ZNF141: variants seen among roughly 807,000 people sequenced by gnomAD.
The protein encoded by ZNF141 is zinc finger protein 141 (clone pHZ-44).
Under a neutral mutation model 11.3 loss-of-function variants are expected in ZNF141, and 7 were observed. That is an observed-to-expected ratio of 0.62 (90% CI 0.35 to 1.16). The LOEUF is 1.16. Among genes scored for constraint, ZNF141 ranks in the 50% most tolerant of loss-of-function variants. The pLI is 0.02. For synonymous variants in ZNF141, 183 were observed against 190.7 expected, an observed-to-expected ratio of 0.96 and a Z score of 0.33; for missense variants, 535 against 554.0, an observed-to-expected ratio of 0.97 and a Z score of 0.34.
intron 1 of ZNF141, 85 bp downstream of exon 1, chr4:338,071 C>T: frequency 3.8e-6 from 6 of 1,578,718 alleles, no homozygotes; most frequent in African/African-American, 1.3e-5. Flanking sequence ...AGTCTGCGAA[C>T]GGAGTCCCCG....
In ZNF141 at chr4:378,888, A is replaced by G. The variant is rs893459982; in HGVS notation, c.*5026A>G. Among the ~76,000 whole-genome samples, 1 of 119,056 alleles carries G rather than the reference A, an allele frequency of 8.4e-6. No individual in the cohort carries two copies. The highest frequency in any genetic ancestry group is 1.2e-4 in the Admixed American group (1 of 8,270). 78.1% of individuals were successfully genotyped at this position (119,056 alleles called of 152,430 possible). On this transcript the variant is annotated 3_prime_UTR_variant, in exon 4 of 4. Transcript: ENST00000240499. ...GAGATGGAGTCTTGCTCTGTCACCC[A>G]GGCTGGAGTGCAGTGGCACAATCTC...
At chr4:360,643 G>A (rs1553852000) in intron 3 of ZNF141, among the ~76,000 whole-genome samples, 1 of 151,810 alleles carries the variant, frequency 6.6e-6, no homozygotes, top group African/African-American at 2.4e-5. Flanking sequence ...TATTTGTATG[G>A]TAATTTTCAA....
chr4:343,552 C>T (rs1553848840), intron 1 of ZNF141, among the ~76,000 whole-genome samples: 2 of 151,598 alleles, frequency 1.3e-5, no homozygotes, highest in African/African-American at 2.4e-5. Context: ...GGTGAAACCC[C>T]GTCTCTACTA....
chr4:366,561 C>T (rs1711753564), intron 3 of ZNF141, among the ~76,000 whole-genome samples: 1 of 152,198 alleles, frequency 6.6e-6, no homozygotes, highest in Non-Finnish European at 1.5e-5. Flanking sequence ...CTTGGCCTAC[C>T]AAAGTGCTAG....
At position 380,809 on chromosome 4, in the gene ZNF141, C is replaced by T. The variant is rs1712578535; in HGVS notation, c.*6947C>T. Among the ~76,000 whole-genome samples, 1 of 151,966 alleles carries T rather than the reference C, an allele frequency of 6.6e-6. No individual in the cohort carries two copies. The highest frequency in any genetic ancestry group is 2.1e-4 in the South Asian group (1 of 4,808). ...AGATAACACTTATTACAGTAAAATC[C>T]CTCTTCAGACACAAAATACATGATT... is the stretch of plus-strand genomic sequence containing the variant. On this transcript the variant is annotated 3_prime_UTR_variant, in exon 4 of 4. Transcript: ENST00000240499.
At position 384,786 on chromosome 4, in the gene ZNF141, C is replaced by T. The variant is rs1581641313; in HGVS notation, c.*10924C>T. 7 of 152,376 alleles carry T rather than the reference C, an allele frequency of 4.6e-5. No homozygotes were observed. The East Asian group carries it at 1.3e-3, about 29-fold the overall frequency. The allele number at this position is 152,376 out of a possible 1,614,324, so 9.4% of individuals were successfully genotyped here. A position where few individuals can be genotyped will look rare whatever the true frequency, so the allele number is the denominator to read the frequency against. ...CCACATAAAAGACCCAGAACTCAGC[C>T]CCATTTCTGGCAACCTGCTTTCATG... is the stretch of plus-strand genomic sequence containing the variant. On this transcript the variant is annotated 3_prime_UTR_variant, in exon 4 of 4. Coordinates refer to ENST00000240499, the MANE Select transcript of ZNF141 (RefSeq NM_003441.4).
chr4:382,933 A>G lies in ZNF141; in HGVS notation c.*9071A>G. On this transcript the variant is annotated 3_prime_UTR_variant, in exon 4 of 4. Transcript: ENST00000240499. ...AAAACAGCAATTTGAAAAATTTCTT[A>G]TTGTATTCATGTCCTTGGAAATGGC... The G allele has an allele frequency of 2.1e-6, 1 of 475,920 alleles. No individual in the cohort carries two copies. 29.5% of individuals were successfully genotyped at this position (475,920 alleles called of 1,614,324 possible). A position where few individuals can be genotyped will look rare whatever the true frequency, so the allele number is the denominator to read the frequency against.
chr4:380,648 A>G lies in ZNF141; in HGVS notation c.*6786A>G, dbSNP rs1712569004. On this transcript the variant is annotated 3_prime_UTR_variant, in exon 4 of 4. Coordinates refer to ENST00000240499, the MANE Select transcript of ZNF141 (RefSeq NM_003441.4). The stretch of plus-strand genomic sequence containing the variant: ...GCCTGGGTGACAAGAGCAAAACTCC[A>G]TCCCCCCTGCCCAAAAAAAAAAATT... 7.7e-6 allele frequency among the ~76,000 whole-genome samples: 1 copy of G among 130,034 alleles called. No individual in the cohort carries two copies. The allele number at this position is 130,034 out of a possible 152,430, so 85.3% of individuals were successfully genotyped here. A position where few individuals can be genotyped will look rare whatever the true frequency, so the allele number is the denominator to read the frequency against.
In ZNF141 at chr4:379,326, T is replaced by C. The variant is rs188722864; in HGVS notation, c.*5464T>C. On this transcript the variant is annotated 3_prime_UTR_variant, in exon 4 of 4. Coordinates refer to ENST00000240499, the MANE Select transcript of ZNF141 (RefSeq NM_003441.4). ...GTGTATTGTCTTGTATTATATATTG[T>C]TCTGGGTCTAAGCCATGCTAGTAAA... Among the ~76,000 whole-genome samples the C allele has an allele frequency of 4.6e-5, 7 of 152,330 alleles. No homozygotes were observed. The East Asian group carries it at 1.3e-3, about 29-fold the overall frequency.
At chr4:345,729 C>CAAAAAA (rs1321182710) in intron 3 of ZNF141, among the ~76,000 whole-genome samples, 28 of 64,588 alleles carry the variant, frequency 4.3e-4, no homozygotes, top group South Asian at 1.1e-3. Context: ...ACTCTGTCTC[C>CAAAAAA]AAAAAAAAAA....
chr4:347,460 C>T (rs1476987369), intron 3 of ZNF141, among the ~76,000 whole-genome samples: 2 of 151,798 alleles, frequency 1.3e-5, no homozygotes, highest in East Asian at 3.9e-4. Context: ...CTGCCTCAGC[C>T]TCCCGAGTAG....
rs1264054035 is a variant in ZNF141 at position 340,679 on chromosome 4, A to G, written c.3+2693A>G. Among the ~76,000 whole-genome samples, 7 of 152,312 alleles carry G rather than the reference A, an allele frequency of 4.6e-5. No homozygotes were observed. In the East Asian group the frequency reaches 1.2e-3, roughly 25 times the overall value. On this transcript the variant is annotated intron_variant, in intron 1 of 3. Coordinates refer to ENST00000240499, the MANE Select transcript of ZNF141 (RefSeq NM_003441.4). ...GTTCTTTTAATTACGAGACCAAGTG[A>G]TGTGTTAAAATGAGACCACAGTCCT... is the stretch of plus-strand genomic sequence containing the variant.
Position 340,099 on chromosome 4 carries a change from G to A in ZNF141, c.3+2113G>A, listed in dbSNP as rs1217464827. On this transcript the variant is annotated intron_variant, in intron 1 of 3. Transcript: ENST00000240499. ...TTCTCTAACAACACATTTTCTTGCT[G>A]TTCTATTATTTTGGACAGTATTTTA... Among the ~76,000 whole-genome samples the A allele has an allele frequency of 2.6e-5, 4 of 152,172 alleles. No individual in the cohort carries two copies. The East Asian group carries it at 7.7e-4, about 29-fold the overall frequency.
chr4:370,878 C>A (rs1192897104), intron 3 of ZNF141, among the ~76,000 whole-genome samples: 9 of 151,522 alleles, frequency 5.9e-5, no homozygotes, highest in African/African-American at 1.9e-4. Context: ...CTACAGGTGC[C>A]CACCACCACG....
At chr4:370,873 G>A (rs1421329141) in intron 3 of ZNF141, among the ~76,000 whole-genome samples, 5 of 151,716 alleles carry the variant, frequency 3.3e-5, no homozygotes, top group Non-Finnish European at 5.9e-5. Context: ...TGGGACTACA[G>A]GTGCCCACCA....
chr4:372,288 G>A (rs1712106374), intron 3 of ZNF141, among the ~76,000 whole-genome samples: 1 of 152,202 alleles, frequency 6.6e-6, no homozygotes, highest in African/African-American at 2.4e-5. Context: ...GTAAGGATAT[G>A]TGTATCAGTA....
chr4:338,285 G>T, intron 1 of ZNF141: 1 of 381,440 alleles, frequency 2.6e-6, no homozygotes. Context: ...CGGCGTGGGA[G>T]GAGCTGTGGG....
chr4:374,438 T>A lies in ZNF141; in HGVS notation c.*576T>A, dbSNP rs1712260368. 4 of 359,088 alleles carry A rather than the reference T, an allele frequency of 1.1e-5. No individual in the cohort carries two copies. The highest frequency in any genetic ancestry group is 6.3e-5 in the Admixed American group (2 of 31,680). 22.2% of individuals were successfully genotyped at this position (359,088 alleles called of 1,614,324 possible). A position where few individuals can be genotyped will look rare whatever the true frequency, so the allele number is the denominator to read the frequency against. ...ACTTTGTTAAACATAAGAGAATTTA[T>A]ACCAGAGAGAAACCCTACACATGTA... On this transcript the variant is annotated 3_prime_UTR_variant, in exon 4 of 4. Transcript: ENST00000240499.
chr4:355,699 A>C (rs1294852867), intron 3 of ZNF141, among the ~76,000 whole-genome samples: 1 of 152,156 alleles, frequency 6.6e-6, no homozygotes, highest in Non-Finnish European at 1.5e-5. Flanking sequence ...CATTCTGTGA[A>C]TGTTTTAGAT....
Sources: gnomAD v4.1 joint callset for allele counts (sites outside exome capture counted in the v4.1 genomes callset) on GRCh38, gnomAD v4.1.1 for gene constraint, MANE v1.5 for transcripts, NCBI Gene and HGNC (gene_info 2026-07-23, HGNC 2026-07-21) for gene names.